Variants in DPP10 observed in about 807,000 individuals in gnomAD.
DPP10 encodes inactive dipeptidyl peptidase 10.
A neutral mutation model predicts 120.9 loss-of-function variants in DPP10; 33 were observed. That is an observed-to-expected ratio of 0.27 (90% CI 0.21 to 0.37). The LOEUF is 0.37. DPP10 is among the 10% of genes least tolerant of loss of function. The probability of loss-of-function intolerance (pLI) is 1.00; values close to 1 mark genes in which losing one functional copy is unlikely to be tolerated. For missense variants in DPP10, 816 were observed against 942.8 expected (o/e 0.87, Z 1.76); for synonymous variants, 337 against 326.1 (o/e 1.03, Z -0.36).
intron 3 of DPP10, among the ~76,000 whole-genome samples, chr2:115,456,749 G>A (rs1467430378): frequency 6.6e-6 from 1 of 152,096 alleles, no homozygotes; most frequent in Non-Finnish European, 1.5e-5. Flanking sequence ...TCATAAGTGG[G>A]AGCTAAACAA....
At chr2:114,484,288 C>A (rs1444506635) in intron 1 of DPP10, among the ~76,000 whole-genome samples, 1 of 152,106 alleles carries the variant, frequency 6.6e-6, no homozygotes. Flanking sequence ...CCTTTAGAAT[C>A]ATGGAGCTCA....
At chr2:114,934,594 CTG>C (rs1237142203) in intron 1 of DPP10, among the ~76,000 whole-genome samples, 1 of 151,910 alleles carries the variant, frequency 6.6e-6, no homozygotes, top group East Asian at 1.9e-4. Context: ...TAGTTGAAAT[CTG>C]TGTCATTCAT....
intron 3 of DPP10, among the ~76,000 whole-genome samples, chr2:115,479,779 G>A (rs568217004): frequency 3.9e-5 from 6 of 152,158 alleles, no homozygotes; most frequent in South Asian, 4.1e-4. Context: ...GCTGAGGTTC[G>A]AAGTTGGGTG....
chr2:115,626,891 A>G (rs1041602034), intron 5 of DPP10, among the ~76,000 whole-genome samples: 2 of 152,204 alleles, frequency 1.3e-5, no homozygotes, highest in African/African-American at 2.4e-5. Context: ...ATTGATTTCT[A>G]AATACCACTC....
intron 3 of DPP10, among the ~76,000 whole-genome samples, chr2:115,428,911 A>T (rs2070726552): frequency 6.6e-6 from 1 of 152,166 alleles, no homozygotes. Context: ...TGGAGAGGAA[A>T]GTCTCTTTGA....
chr2:115,374,457 G>A (rs992332645), intron 3 of DPP10, among the ~76,000 whole-genome samples: 2 of 152,140 alleles, frequency 1.3e-5, no homozygotes, highest in Non-Finnish European at 2.9e-5. Flanking sequence ...GGCTTTTCCA[G>A]GTGCATGGTG....
At chr2:115,696,993 G>T (rs1325239245) in intron 7 of DPP10, among the ~76,000 whole-genome samples, 1 of 152,080 alleles carries the variant, frequency 6.6e-6, no homozygotes, top group African/African-American at 2.4e-5. Flanking sequence ...TGTTATTGAG[G>T]TTAAGCTTGT....
chr2:115,286,384 A>G (rs1239226493), intron 1 of DPP10, among the ~76,000 whole-genome samples: 1 of 149,142 alleles, frequency 6.7e-6, no homozygotes, highest in Non-Finnish European at 1.5e-5. Context: ...ATATACATGT[A>G]GAGCCACATC....
At chr2:115,769,837 C>G (rs536023627) in intron 13 of DPP10, among the ~76,000 whole-genome samples, 1 of 152,054 alleles carries the variant, frequency 6.6e-6, no homozygotes, top group East Asian at 1.9e-4. Flanking sequence ...ACTTGGTTAT[C>G]ACAAATATTA....
In DPP10 at chr2:115,114,132, CACTT is replaced by C. The variant is rs536781315; in HGVS notation, c.61-195103_61-195100del. On this transcript the variant is annotated intron_variant, in intron 1 of 25. Coordinates refer to ENST00000410059, the MANE Select transcript of DPP10 (RefSeq NM_020868.6). Reference sequence around the variant, plus strand: ...AATACGAACTTGCCAGCTCCCCAAACACTTACTAGTGTCAGCGAACTTTCTCAAA... The same window carrying C: ...AATACGAACTTGCCAGCTCCCCAAACACTAGTGTCAGCGAACTTTCTCAAA... Among the ~76,000 whole-genome samples the C allele has an allele frequency of 4.5e-3, 682 of 152,322 alleles. 10 individuals carry two copies. The highest frequency in any genetic ancestry group is 3.5e-3 in the Non-Finnish European group (241 of 68,026).
intron 21 of DPP10, among the ~76,000 whole-genome samples, chr2:115,823,789 A>T (rs1246398456): frequency 6.6e-6 from 1 of 152,190 alleles, no homozygotes; most frequent in Non-Finnish European, 1.5e-5. Context: ...TGCCATAAAT[A>T]TGTTGTTCTC....
intron 1 of DPP10, among the ~76,000 whole-genome samples, chr2:114,753,118 C>G (rs1455665735): frequency 6.6e-6 from 1 of 152,056 alleles, no homozygotes; most frequent in Non-Finnish European, 1.5e-5. Flanking sequence ...TCTGTCAAAC[C>G]CAACAATCAG....
intron 1 of DPP10, among the ~76,000 whole-genome samples, chr2:115,289,281 C>T (rs1289568240): frequency 1.3e-5 from 2 of 151,754 alleles, no homozygotes; most frequent in Non-Finnish European, 2.9e-5. Context: ...CTGATGAAAG[C>T]TGACACAAAC....
At chr2:115,354,502 C>T (rs899921511) in intron 3 of DPP10, among the ~76,000 whole-genome samples, 2 of 151,910 alleles carry the variant, frequency 1.3e-5, no homozygotes, top group African/African-American at 4.8e-5. Flanking sequence ...CAAAATGCAT[C>T]TATGTTGTTG....
chr2:115,343,901 G>A lies in DPP10; in HGVS notation c.260G>A (p.Arg87Gln), dbSNP rs138406948. ...KDFVLHDPEARWINDTDVVYK... is the reference protein window; with the variant it reads ...KDFVLHDPEAQWINDTDVVYK... ...TTTGTGCTTCACGATCCAGAGGCTC[G>A]GTGGATCAATGGTAAGTGTATACCT... Residue 87 changes from arginine to glutamine, a missense_variant, in exon 3 of 26, where the codon CGG (arginine) becomes CAG (glutamine). Transcript: ENST00000410059. 4.1e-5 allele frequency: 66 copies of A among 1,609,680 alleles called. No homozygotes were observed. The highest frequency in any genetic ancestry group is 4.8e-5 in the Non-Finnish European group (57 of 1,177,746).
At chr2:115,805,331 C>T (rs1362737597) in intron 19 of DPP10, among the ~76,000 whole-genome samples, 3 of 152,254 alleles carry the variant, frequency 2.0e-5, no homozygotes, top group East Asian at 2.0e-4. Flanking sequence ...CCATCTGTCA[C>T]CCCTTTCTTT....
intron 3 of DPP10, among the ~76,000 whole-genome samples, chr2:115,482,721 A>G (rs1471341074): frequency 1.3e-5 from 2 of 151,912 alleles, no homozygotes; most frequent in Non-Finnish European, 2.9e-5. Flanking sequence ...ATTCATCCTT[A>G]TTGACATATA....
intron 1 of DPP10, among the ~76,000 whole-genome samples, chr2:115,116,155 T>G (rs186873641): frequency 6.6e-6 from 1 of 152,078 alleles, no homozygotes; most frequent in Non-Finnish European, 1.5e-5. Context: ...TCATTTTTTT[T>G]CCCAAAGACA....
chr2:115,446,130 C>G (rs56307682), intron 3 of DPP10, among the ~76,000 whole-genome samples: 2,567 of 152,342 alleles, frequency 0.017, 39 homozygotes, highest in Non-Finnish European at 0.026. Context: ...TCAGAGGGTG[C>G]AAGCGCCAAG....
Sources: gnomAD v4.1 joint callset for allele counts (sites outside exome capture counted in the v4.1 genomes callset) on GRCh38, gnomAD v4.1.1 for gene constraint, MANE v1.5 for transcripts, NCBI Gene and HGNC (gene_info 2026-07-23, HGNC 2026-07-21) for gene names.